The following DOT1L variants were observed in gnomAD, a reference collection of about 807,000 sequenced individuals.
DOT1L encodes histone-lysine N-methyltransferase, H3 lysine-79 specific.
DOT1L carries 33 observed loss-of-function variants against 153.3 expected under a neutral mutation model. That is an observed-to-expected ratio of 0.22 (90% confidence interval 0.16 to 0.29). The LOEUF is 0.29. Ranked by LOEUF, DOT1L falls within the 10% of genes least tolerant of loss-of-function variation. DOT1L has a pLI of 1.00. For missense variants in DOT1L, 1,847 were observed against 2,119.9 expected (o/e 0.87, Z 2.53); for synonymous variants, 1,135 against 965.1 (o/e 1.18, Z -3.26).
chr19:2,164,693 T>C (rs1055831590), intron 1 of DOT1L, among the ~76,000 whole-genome samples: 2 of 149,692 alleles, frequency 1.3e-5, no homozygotes, highest in African/African-American at 4.9e-5. Flanking sequence ...TTTTTAAAAA[T>C]TGGGCGTTTG....
At chr19:2,177,263 C>T (rs2021989941) in intron 1 of DOT1L, among the ~76,000 whole-genome samples, 1 of 152,176 alleles carries the variant, frequency 6.6e-6, no homozygotes, top group Admixed American at 6.5e-5. Context: ...GTGTGCTGCA[C>T]TCGCCCCACA....
At position 2,194,446 on chromosome 19, in the gene DOT1L, C is replaced by T. The variant is rs888768317; in HGVS notation, c.589-69C>T. On this transcript the variant is annotated intron_variant, in intron 6 of 27. Transcript: ENST00000398665. ...TCAGCCTCCCAAAGTGCCGGGATTA[C>T]AGGCGTGAGCCACCGCGCCTGGCTT... 4.4e-6 allele frequency: 7 copies of T among 1,584,226 alleles called. No homozygotes were observed. In the African/African-American group the frequency reaches 5.4e-5, roughly 12 times the overall value.
chr19:2,178,116 G>A (rs2022039756), intron 1 of DOT1L, among the ~76,000 whole-genome samples: 1 of 149,056 alleles, frequency 6.7e-6, no homozygotes, highest in Non-Finnish European at 1.5e-5. Context: ...ATTTTTCATA[G>A]AGATGGGGTT....
intron 1 of DOT1L, among the ~76,000 whole-genome samples, chr19:2,166,074 T>C (rs911461167): frequency 6.9e-6 from 1 of 145,464 alleles, no homozygotes; most frequent in African/African-American, 2.6e-5. Context: ...CCGGCCCACA[T>C]TTATATGTTA....
At position 2,210,617 on chromosome 19, in the gene DOT1L, C is replaced by A. The variant is rs770699249; in HGVS notation, c.1117-4C>A. 2.7e-5 allele frequency: 43 copies of A among 1,611,842 alleles called. No homozygotes were observed. Among genetic ancestry groups the A allele is most frequent in the Non-Finnish European group, 4.2e-6 (5 of 1,179,480 alleles). Reference sequence around the variant, plus strand: ...CATCCCTGTTCTTCCCTTGTGTCCTCCAGGACTCTGGTGCTGAGGAAGAGA... The same window carrying A: ...CATCCCTGTTCTTCCCTTGTGTCCTACAGGACTCTGGTGCTGAGGAAGAGA... On this transcript the variant is annotated splice_region_variant and splice_polypyrimidine_tract_variant and intron_variant, in intron 13 of 27. Coordinates refer to ENST00000398665, the MANE Select transcript of DOT1L (RefSeq NM_032482.3).
chr19:2,167,810 A>G (rs2019984328), intron 1 of DOT1L, among the ~76,000 whole-genome samples: 1 of 144,906 alleles, frequency 6.9e-6, no homozygotes, highest in African/African-American at 2.6e-5. Flanking sequence ...ATCTCCACTC[A>G]CTGCAAGCTC....
At chr19:2,194,465 C>G (rs1010039234) in intron 6 of DOT1L, 50 bp from the exon 7 acceptor site, 2 of 1,611,680 alleles carry the variant, frequency 1.2e-6, no homozygotes, top group South Asian at 1.1e-5. Flanking sequence ...GCCACCGCGC[C>G]TGGCTTGCCC....
chr19:2,206,623 AGT>A (rs1027523248), intron 9 of DOT1L, 104 bp from the exon 10 acceptor site: 609 of 1,070,418 alleles, frequency 5.7e-4, no homozygotes, highest in Non-Finnish European at 6.5e-4. Flanking sequence ...CCCGGAGCCC[AGT>A]GTGTGTGTGT....
chr19:2,227,589 A>G (rs1440046149), intron 27 of DOT1L: 47 of 924,318 alleles, frequency 5.1e-5, no homozygotes, highest in Non-Finnish European at 4.6e-5. Context: ...GGCCACCACG[A>G]GCCTGGCCGA....
chr19:2,164,361 C>G lies in DOT1L; in HGVS notation c.81+96C>G, dbSNP rs2019826428. The G allele has an allele frequency of 6.0e-6, 5 of 835,320 alleles. No individual in the cohort carries two copies. The South Asian group carries it at 2.9e-4, about 49-fold the overall frequency. 51.7% of individuals were successfully genotyped at this position (835,320 alleles called of 1,614,324 possible). A position where few individuals can be genotyped will look rare whatever the true frequency, so the allele number is the denominator to read the frequency against. Reference sequence around the variant, plus strand: ...CCCCCCCAAGCCGCGCTCACCGGTCCCCCCTGCGGAACGGAGACCCTGGAC... The same window carrying G: ...CCCCCCCAAGCCGCGCTCACCGGTCGCCCCTGCGGAACGGAGACCCTGGAC... On this transcript the variant is annotated intron_variant, in intron 1 of 27. Coordinates refer to ENST00000398665, the MANE Select transcript of DOT1L (RefSeq NM_032482.3).
chr19:2,193,297 T>A lies in DOT1L; in HGVS notation c.494-392T>A, dbSNP rs1159310590. Among the ~76,000 whole-genome samples the A allele has an allele frequency of 6.6e-6, 1 of 152,206 alleles. No homozygotes were observed. The highest frequency in any genetic ancestry group is 1.5e-5 in the Non-Finnish European group (1 of 68,034). On this transcript the variant is annotated intron_variant, in intron 5 of 27. Coordinates refer to ENST00000398665, the MANE Select transcript of DOT1L (RefSeq NM_032482.3). The surrounding 1 kb of genome is among the most constrained non-coding windows in gnomAD (Gnocchi z 5.9). ...TGCCATAAGATTTTATCAGCCAGGTTGCTGTGTGTCTGTGTGCTGGTGACG... is the reference window on the plus strand; with the variant it reads ...TGCCATAAGATTTTATCAGCCAGGTAGCTGTGTGTCTGTGTGCTGGTGACG...
intron 1 of DOT1L, among the ~76,000 whole-genome samples, chr19:2,176,612 C>G (rs2021949903): frequency 6.6e-6 from 1 of 152,212 alleles, no homozygotes; most frequent in Non-Finnish European, 1.5e-5. Flanking sequence ...AAGGCCTGCG[C>G]CTGTGAGAAG....
At chr19:2,184,377 T>C (rs1361883956) in intron 2 of DOT1L, among the ~76,000 whole-genome samples, 4 of 152,150 alleles carry the variant, frequency 2.6e-5, no homozygotes, top group African/African-American at 9.6e-5. Flanking sequence ...GCTGTGTCTT[T>C]CAGTGTGGAA....
Position 2,226,730 on chromosome 19 carries a change from C to T in DOT1L, c.4209C>T (p.Thr1403=), listed in dbSNP as rs372779174. 191 of 1,559,244 alleles carry T rather than the reference C, an allele frequency of 1.2e-4. No individual in the cohort carries two copies. Among genetic ancestry groups the T allele is most frequent in the Admixed American group, 1.2e-3 (63 of 53,210 alleles). The change falls in exon 27 of 28, where the codon ACC becomes ACT. Residue 1403 remains threonine (T), a synonymous_variant. Coordinates refer to ENST00000398665, the MANE Select transcript of DOT1L (RefSeq NM_032482.3). ...GLPLCGPTDK[T]PLLSGKAAKA... is the part of the protein sequence containing the mutation. Reference sequence around the variant, plus strand: ...CGCTGTGCGGGCCCACGGACAAGACCCCACTGCTGAGCGGCAAGGCCGCCA... The same window carrying T: ...CGCTGTGCGGGCCCACGGACAAGACTCCACTGCTGAGCGGCAAGGCCGCCA...
At chr19:2,227,592 C>T (rs2024406289) in intron 27 of DOT1L, 2 of 962,368 alleles carry the variant, frequency 2.1e-6, no homozygotes, top group Non-Finnish European at 2.7e-6. Flanking sequence ...CACCACGAGC[C>T]TGGCCGAGCC....
chr19:2,189,616 G>A (rs1402382968), intron 3 of DOT1L, 116 bp from the exon 4 acceptor site: 1 of 1,150,752 alleles, frequency 8.7e-7, no homozygotes. Context: ...CAGCTGGCTG[G>A]TGGCTGTCCA....
At chr19:2,194,864 G>C (rs563567593) in intron 7 of DOT1L, among the ~76,000 whole-genome samples, 1 of 152,344 alleles carries the variant, frequency 6.6e-6, no homozygotes, top group South Asian at 2.1e-4. Context: ...GCTCCATGGA[G>C]CGGAGGCCTG....
At chr19:2,200,695 C>T (rs1157259796) in intron 8 of DOT1L, among the ~76,000 whole-genome samples, 3 of 152,108 alleles carry the variant, frequency 2.0e-5, no homozygotes, top group Admixed American at 6.5e-5. Context: ...CTCTGCGCCC[C>T]TCGTCCTCCC....
At chr19:2,209,490 T>G (rs536200569) in intron 12 of DOT1L, among the ~76,000 whole-genome samples, 2 of 152,320 alleles carry the variant, frequency 1.3e-5, no homozygotes, top group East Asian at 3.9e-4. Flanking sequence ...GCCACACATG[T>G]GCGCTTGTCC....
Sources: gnomAD v4.1 joint callset for allele counts (sites outside exome capture counted in the v4.1 genomes callset) on GRCh38, gnomAD v4.1.1 for gene constraint, Gnocchi (gnomAD v3.1) non-coding constraint, MANE v1.5 for transcripts, NCBI Gene and HGNC (gene_info 2026-07-23, HGNC 2026-07-21) for gene names.